Variants in LRP1B observed in about 807,000 individuals in gnomAD.
The protein encoded by LRP1B is low-density lipoprotein receptor-related protein 1B.
Under a neutral mutation model 556.6 loss-of-function variants are expected in LRP1B, and 217 were observed. That is an observed-to-expected ratio of 0.39 (90% confidence interval 0.35 to 0.44). The LOEUF is 0.44. Ranked by LOEUF, LRP1B falls within the 20% of genes least tolerant of loss-of-function variation. The pLI is 1.00. For missense variants in LRP1B, 5,053 were observed against 5,620.8 expected, an observed-to-expected ratio of 0.90 and a Z score of 3.23; for synonymous variants, 2,047 against 1,865.8, an observed-to-expected ratio of 1.10 and a Z score of -2.50.
chr2:141,611,096 G>A (rs1688093653), intron 2 of LRP1B, among the ~76,000 whole-genome samples: 1 of 152,148 alleles, frequency 6.6e-6, no homozygotes, highest in Non-Finnish European at 1.5e-5. Context: ...ACATTTGCCT[G>A]TTTTATTCCA....
chr2:141,924,017 C>T (rs577069112), intron 1 of LRP1B, among the ~76,000 whole-genome samples: 3 of 152,120 alleles, frequency 2.0e-5, no homozygotes, highest in Admixed American at 2.0e-4. Flanking sequence ...TAGAAGAGGG[C>T]AGTTCCCGTG....
intron 27 of LRP1B, among the ~76,000 whole-genome samples, chr2:140,865,748 T>C (rs1692930150): frequency 1.3e-5 from 2 of 152,090 alleles, no homozygotes; most frequent in African/African-American, 4.8e-5. Flanking sequence ...TGGGAAAATA[T>C]GTTAAATTAC....
At chr2:141,001,770 C>G (rs567082902) in intron 15 of LRP1B, among the ~76,000 whole-genome samples, 1 of 152,272 alleles carries the variant, frequency 6.6e-6, no homozygotes, top group South Asian at 2.1e-4. Context: ...GAAAGCTACT[C>G]TGTGTGTGCG....
At chr2:140,677,462 G>GA (rs927222689) in intron 41 of LRP1B, among the ~76,000 whole-genome samples, 34 of 147,588 alleles carry the variant, frequency 2.3e-4, no homozygotes, top group African/African-American at 8.2e-4. Context: ...CAGAGAGAGA[G>GA]AAAAAAAACC....
chr2:140,344,550 G>T (rs1681556701), intron 77 of LRP1B, among the ~76,000 whole-genome samples: 1 of 151,822 alleles, frequency 6.6e-6, no homozygotes, highest in African/African-American at 2.4e-5. Flanking sequence ...CAGAAGGAAA[G>T]GAATCAGCAA....
chr2:141,592,875 C>A (rs1687389606), intron 2 of LRP1B, among the ~76,000 whole-genome samples: 1 of 152,102 alleles, frequency 6.6e-6, no homozygotes, highest in Non-Finnish European at 1.5e-5. Flanking sequence ...TTAAATAAAG[C>A]AACTTGTCTG....
intron 76 of LRP1B, among the ~76,000 whole-genome samples, chr2:140,352,293 A>G (rs1248982955): frequency 6.6e-6 from 1 of 152,064 alleles, no homozygotes; most frequent in African/African-American, 2.4e-5. Flanking sequence ...CTCCTGCATC[A>G]GCCTCCCAAG....
intron 17 of LRP1B, among the ~76,000 whole-genome samples, chr2:140,986,052 A>C (rs1696913053): frequency 6.6e-6 from 1 of 151,462 alleles, no homozygotes; most frequent in Admixed American, 6.6e-5. Context: ...ACACTATATA[A>C]AATTATTTTA....
At chr2:141,246,166 T>A (rs1684062486) in intron 5 of LRP1B, among the ~76,000 whole-genome samples, 1 of 152,174 alleles carries the variant, frequency 6.6e-6, no homozygotes, top group African/African-American at 2.4e-5. Context: ...AACTTGGTGA[T>A]GTAGAGGGTA....
chr2:141,324,624 G>A lies in LRP1B; in HGVS notation c.344-69983C>T, dbSNP rs554388128. 2.5e-4 allele frequency among the ~76,000 whole-genome samples: 38 copies of A among 152,208 alleles called. No homozygotes were observed. The South Asian group carries it at 3.5e-3, about 14-fold the overall frequency. On this transcript the variant is annotated intron_variant, in intron 3 of 90. Coordinates refer to ENST00000389484, the MANE Select transcript of LRP1B (RefSeq NM_018557.3). ...CAATTACTTTTCATAAAGGCTGTAC[G>A]TGTTTGATATTGTCCAATCTGTCTA... is the stretch of plus-strand genomic sequence containing the variant.
chr2:141,682,149 T>C (rs1691127306), intron 2 of LRP1B, among the ~76,000 whole-genome samples: 1 of 152,054 alleles, frequency 6.6e-6, no homozygotes, highest in Admixed American at 6.6e-5. Context: ...CCTTTGAGTT[T>C]AGGGATATAG....
In LRP1B at chr2:141,372,743, GTTTA is replaced by G. The variant is rs1689277324; in HGVS notation, c.343+107649_343+107652del. 2.0e-5 allele frequency among the ~76,000 whole-genome samples: 3 copies of G among 151,780 alleles called. No homozygotes were observed. In the South Asian group the frequency reaches 6.2e-4, roughly 32 times the overall value. ...TTGTAATATCTCCTTTTTCATTGCT[GTTTA>G]TTTACATCTTCTCTCTTCTTGGTTA... On this transcript the variant is annotated intron_variant, in intron 3 of 90. Transcript: ENST00000389484.
At chr2:140,406,053 A>C (rs1684720418) in intron 66 of LRP1B, among the ~76,000 whole-genome samples, 1 of 152,202 alleles carries the variant, frequency 6.6e-6, no homozygotes, top group South Asian at 2.1e-4. Context: ...AAATCCGTTA[A>C]TGTGATACTT....
chr2:140,959,318 A>C (rs1004463694), intron 18 of LRP1B, among the ~76,000 whole-genome samples: 6 of 151,652 alleles, frequency 4.0e-5, no homozygotes, highest in African/African-American at 1.4e-4. Context: ...ATACATAAAT[A>C]TTGATAGGAA....
At chr2:142,113,113 T>G (rs146311082) in intron 1 of LRP1B, among the ~76,000 whole-genome samples, 4 of 152,056 alleles carry the variant, frequency 2.6e-5, no homozygotes, top group African/African-American at 4.8e-5. Flanking sequence ...AGACAGGAAA[T>G]AGACACAGAG....
chr2:140,611,019 A>T (rs544028914), intron 41 of LRP1B, among the ~76,000 whole-genome samples: 9 of 152,332 alleles, frequency 5.9e-5, no homozygotes, highest in Non-Finnish European at 1.2e-4. Context: ...AATATATGTC[A>T]GCATTGTTGT....
chr2:141,410,651 G>T (rs1690818223), intron 3 of LRP1B, among the ~76,000 whole-genome samples: 1 of 151,956 alleles, frequency 6.6e-6, no homozygotes, highest in South Asian at 2.1e-4. Context: ...TCAAGGAATG[G>T]TGTTTTTTAC....
chr2:141,072,047 T>C (rs1699659795), intron 7 of LRP1B, among the ~76,000 whole-genome samples: 1 of 152,092 alleles, frequency 6.6e-6, no homozygotes, highest in Non-Finnish European at 1.5e-5. Context: ...CACAAGTCTC[T>C]GCTTAAAGCA....
chr2:141,407,543 G>A (rs1308788559), intron 3 of LRP1B, among the ~76,000 whole-genome samples: 4 of 152,044 alleles, frequency 2.6e-5, no homozygotes, highest in East Asian at 3.9e-4. Flanking sequence ...CAATTCCCTT[G>A]GTGGTAAGTG....
Sources: allele counts gnomAD v4.1 joint callset (sites outside exome capture counted in the v4.1 genomes callset), GRCh38; gene constraint gnomAD v4.1.1; transcripts MANE v1.5; gene names NCBI Gene and HGNC (gene_info 2026-07-23, HGNC 2026-07-21).